The following COQ5 variants were observed in gnomAD, a reference collection of about 807,000 sequenced individuals.
The protein encoded by COQ5 is 2-methoxy-6-polyprenyl-1,4-benzoquinol methylase, mitochondrial.
A neutral mutation model predicts 40.5 loss-of-function variants in COQ5; 27 were observed. The ratio of observed to expected loss-of-function variants is 0.67; its 90% CI spans 0.49 to 0.92. The LOEUF (loss-of-function observed/expected upper bound fraction) is 0.92, where lower values mean the gene tolerates loss of function less well. Among genes scored for constraint, COQ5 ranks in the 40% least tolerant of loss-of-function variants. COQ5 has a pLI of 0.00. For synonymous variants in COQ5, 141 were observed against 150.0 expected (o/e 0.94, Z 0.44); for missense variants, 409 against 406.4 (o/e 1.01, Z -0.06).
rs367556620 is a variant in COQ5 at position 120,507,433 on chromosome 12, C to T, written c.682-2450G>A. Among the ~76,000 whole-genome samples the T allele has an allele frequency of 4.6e-5, 7 of 151,180 alleles. No homozygotes were observed. The East Asian group carries it at 1.2e-3, about 26-fold the overall frequency. ...CCAAGTATCTGGGACTATAGGCACG[C>T]GCCACCACGCCCAGCTAATTTTTGT... On this transcript the variant is annotated intron_variant, in intron 4 of 6. Coordinates refer to ENST00000288532, the MANE Select transcript of COQ5 (RefSeq NM_032314.4).
chr12:120,517,950 G>A (rs1869457306), intron 2 of COQ5, among the ~76,000 whole-genome samples: 1 of 151,978 alleles, frequency 6.6e-6, no homozygotes, highest in African/African-American at 2.4e-5. Flanking sequence ...TGGGATCACA[G>A]GCATGTGCCA....
intron 3 of COQ5, among the ~76,000 whole-genome samples, chr12:120,515,996 T>C (rs1188025053): frequency 1.3e-5 from 2 of 152,178 alleles, no homozygotes; most frequent in Non-Finnish European, 2.9e-5. Flanking sequence ...CAATCATAGC[T>C]CACTGCAGCC....
intron 3 of COQ5, among the ~76,000 whole-genome samples, chr12:120,512,572 C>T (rs1485211609): frequency 6.6e-6 from 1 of 151,968 alleles, no homozygotes; most frequent in Non-Finnish European, 1.5e-5. Flanking sequence ...TGCACTCCAG[C>T]CTGGGTGACA....
chr12:120,514,544 C>A (rs1441590773), intron 3 of COQ5, among the ~76,000 whole-genome samples: 1 of 151,980 alleles, frequency 6.6e-6, no homozygotes, highest in Admixed American at 6.6e-5. Context: ...AGTTCGAGAC[C>A]AGCCTGGCCA....
chr12:120,526,491 G>T (rs1869949320), intron 1 of COQ5: 1 of 455,548 alleles, frequency 2.2e-6, no homozygotes, highest in Non-Finnish European at 4.4e-6. Context: ...TGACAAAAAG[G>T]TTGAAGATGT....
At chr12:120,516,473 GC>G in intron 3 of COQ5, 93 bp downstream of exon 3, 1 of 1,119,764 alleles carries the variant, frequency 8.9e-7, no homozygotes, top group South Asian at 1.2e-5. Context: ...GTTTCTGAAA[GC>G]CAAAAGATAA....
chr12:120,503,897 G>A lies in COQ5; in HGVS notation c.883-12C>T. 1.2e-6 allele frequency: 2 copies of A among 1,611,930 alleles called. No homozygotes were observed. The highest frequency in any genetic ancestry group is 1.1e-5 in the South Asian group (1 of 91,058). On this transcript the variant is annotated splice_polypyrimidine_tract_variant and intron_variant, in intron 6 of 6. Coordinates refer to ENST00000288532, the MANE Select transcript of COQ5 (RefSeq NM_032314.4). ...TCCTTGAACTCTTCCTGAAACACAA[G>A]GAAAGATGATAAAGCCAGGGTAGCC...
rs185728428 is a variant in COQ5 at position 120,518,058 on chromosome 12, C to T, written c.353-1270G>A. Reference sequence around the variant, plus strand: ...TTGACCTCAGGTGATCCACTCGCCTCGGCCTCCCAAAGTGCTGGGATTACA... The same window carrying T: ...TTGACCTCAGGTGATCCACTCGCCTTGGCCTCCCAAAGTGCTGGGATTACA... On this transcript the variant is annotated intron_variant, in intron 2 of 6. Coordinates refer to ENST00000288532, the MANE Select transcript of COQ5 (RefSeq NM_032314.4). Among the ~76,000 whole-genome samples the T allele has an allele frequency of 2.6e-4, 39 of 152,208 alleles. No individual in the cohort carries two copies. The East Asian group carries it at 6.6e-3, about 26-fold the overall frequency.
At chr12:120,504,164 C>T (rs1868776389) in intron 5 of COQ5, 83 bp from the exon 6 acceptor site, 2 of 883,530 alleles carry the variant, frequency 2.3e-6, no homozygotes, top group Admixed American at 1.8e-5. Context: ...AGGACTAAAC[C>T]TGGGGTCACA....
chr12:120,529,090 A>T lies in COQ5; in HGVS notation c.52T>A (p.Ser18Thr). Residue 18 changes from serine to threonine, a missense_variant, in exon 1 of 7, where the codon TCG becomes ACG. By Grantham distance (58) the Ser-to-Thr change is moderately conservative. Transcript: ENST00000288532. ...AGCTGGCAGCCCCGCATCGCCCGCG[A>T]CCACCCACGGCCGCAATAGCTCCAT... ...ALWSYCGRGWSRAMRGCQLLG... is the reference protein window; with the variant it reads ...ALWSYCGRGWTRAMRGCQLLG... 1.2e-6 allele frequency: 2 copies of T among 1,613,994 alleles called. No homozygotes were observed. The highest frequency in any genetic ancestry group is 1.1e-5 in the South Asian group (1 of 91,072).
intron 3 of COQ5, among the ~76,000 whole-genome samples, chr12:120,512,652 G>T (rs1869189141): frequency 6.6e-6 from 1 of 152,052 alleles, no homozygotes; most frequent in Non-Finnish European, 1.5e-5. Context: ...TGTATATATA[G>T]GATGTTCTCA....
chr12:120,507,581 G>C (rs1191652982), intron 4 of COQ5, among the ~76,000 whole-genome samples: 1 of 147,016 alleles, frequency 6.8e-6, no homozygotes, highest in African/African-American at 2.5e-5. Flanking sequence ...ACCACGCCCG[G>C]CCTCTATTCA....
At chr12:120,526,641 G>A (rs1869956282) in intron 1 of COQ5, 2 of 236,106 alleles carry the variant, frequency 8.5e-6, no homozygotes, top group African/African-American at 2.6e-5. Context: ...CCAAGGCATA[G>A]AAAAGATATT....
chr12:120,519,467 T>C (rs2137088423), intron 2 of COQ5, among the ~76,000 whole-genome samples: 1 of 152,016 alleles, frequency 6.6e-6, no homozygotes, highest in African/African-American at 2.4e-5. Flanking sequence ...GGCCAAGGCA[T>C]GAGAATCACT....
chr12:120,517,903 G>C (rs1036987620), intron 2 of COQ5, among the ~76,000 whole-genome samples: 2 of 151,596 alleles, frequency 1.3e-5, no homozygotes, highest in East Asian at 4.0e-4. Context: ...TGCCTCCCAG[G>C]TTCAAGTGAT....
chr12:120,521,375 T>C (rs754832721), intron 2 of COQ5, among the ~76,000 whole-genome samples: 13 of 152,004 alleles, frequency 8.6e-5, no homozygotes, highest in Non-Finnish European at 1.8e-4. Flanking sequence ...CCAATCTGTG[T>C]ATTTTAGAAA....
chr12:120,503,909 A>T (rs755714000), intron 6 of COQ5, 24 bp from the exon 7 acceptor site: 5 of 1,605,482 alleles, frequency 3.1e-6, no homozygotes, highest in Non-Finnish European at 4.3e-6. Flanking sequence ...AAAGATGATA[A>T]AGCCAGGGTA....
At chr12:120,510,622 C>T (rs1023137078) in intron 3 of COQ5, among the ~76,000 whole-genome samples, 12 of 152,122 alleles carry the variant, frequency 7.9e-5, no homozygotes, top group Admixed American at 2.0e-4. Flanking sequence ...CCTGTGTATT[C>T]TTGAATAAAC....
At chr12:120,528,898 G>T (rs1409030887) in intron 1 of COQ5, 42 bp downstream of exon 1, 2 of 1,565,682 alleles carry the variant, frequency 1.3e-6, no homozygotes, top group South Asian at 2.2e-5. Flanking sequence ...ACCAGACCAT[G>T]GACGGTCAGA....
Sources: gnomAD v4.1 joint callset for allele counts (sites outside exome capture counted in the v4.1 genomes callset) on GRCh38, gnomAD v4.1.1 for gene constraint, MANE v1.5 for transcripts, NCBI Gene and HGNC (gene_info 2026-07-23, HGNC 2026-07-21) for gene names.